KCNQ1: variants seen among roughly 807,000 people sequenced by gnomAD.
The protein encoded by KCNQ1 is potassium voltage-gated channel subfamily KQT member 1.
A neutral mutation model predicts 72.4 loss-of-function variants in KCNQ1; 49 were observed. That is an observed-to-expected ratio of 0.68 (90% confidence interval 0.54 to 0.86). The LOEUF (loss-of-function observed/expected upper bound fraction) is 0.86, where lower values mean the gene tolerates loss of function less well. Among genes scored for constraint, KCNQ1 ranks in the 40% least tolerant of loss-of-function variants. KCNQ1 has a pLI of 0.00. For synonymous variants in KCNQ1, 450 were observed against 412.6 expected, an observed-to-expected ratio of 1.09 and a Z score of -1.10; for missense variants, 790 against 945.1, an observed-to-expected ratio of 0.84 and a Z score of 2.15.
At chr11:2,719,833 G>C (rs1851173153) in intron 11 of KCNQ1, among the ~76,000 whole-genome samples, 1 of 152,226 alleles carries the variant, frequency 6.6e-6, no homozygotes, top group Non-Finnish European at 1.5e-5. Flanking sequence ...AAACAGCCCT[G>C]ATGTAGCTGT....
In KCNQ1 at chr11:2,741,976, C is replaced by T. The variant is rs139753851; in HGVS notation, c.1515-26868C>T. ...ATCCCCCTGCCCCAGGGCGGGCTGC[C>T]GCCTTGTAACCCCCAGAACTCTTGG... On this transcript the variant is annotated intron_variant, in intron 11 of 15. Coordinates refer to ENST00000155840, the MANE Select transcript of KCNQ1 (RefSeq NM_000218.3). 2.0e-4 allele frequency among the ~76,000 whole-genome samples: 31 copies of T among 152,374 alleles called. No individual in the cohort carries two copies. In the East Asian group the frequency reaches 4.1e-3, roughly 20 times the overall value.
At chr11:2,614,198 C>T (rs1849024452) in intron 10 of KCNQ1, 10 of 398,410 alleles carry the variant, frequency 2.5e-5, no homozygotes, top group Non-Finnish European at 4.4e-5. Context: ...GAGGGTGCCA[C>T]CTCAAATCTT....
rs116627482 is a variant in KCNQ1, at chr11:2,464,896, T to G, written c.386+19412T>G. Among the ~76,000 whole-genome samples, 55 of 152,286 alleles carry G rather than the reference T, an allele frequency of 3.6e-4. No individual in the cohort carries two copies. The highest frequency in any genetic ancestry group is 1.3e-3 in the African/African-American group (52 of 41,560). On this transcript the variant is annotated intron_variant, in intron 1 of 15. Transcript: ENST00000155840. The surrounding 1 kb of genome is among the most constrained non-coding windows in gnomAD (Gnocchi z 5.0). Reference sequence around the variant, plus strand: ...GTGTTAAGGTAGTTCAAAGTCCTCCTGCCCGAGGAAGTAAGACAGCAATCT... The same window carrying G: ...GTGTTAAGGTAGTTCAAAGTCCTCCGGCCCGAGGAAGTAAGACAGCAATCT...
At chr11:2,697,665 T>C in intron 11 of KCNQ1, 1 of 398,596 alleles carries the variant, frequency 2.5e-6, no homozygotes, top group East Asian at 3.6e-5. Flanking sequence ...TTAATGTGAA[T>C]TACATGGATA....
chr11:2,797,547 G>A (rs1055531380), intron 15 of KCNQ1, among the ~76,000 whole-genome samples: 4 of 151,864 alleles, frequency 2.6e-5, no homozygotes, highest in African/African-American at 9.7e-5. Context: ...CTGCCCCTGC[G>A]TACCCACCAC....
Position 2,626,441 on chromosome 11 carries a change from AT to A in KCNQ1, c.1394-35515del. 2.5e-6 allele frequency: 1 copy of A among 398,572 alleles called. No individual in the cohort carries two copies. The highest frequency in any genetic ancestry group is 3.6e-5 in the East Asian group (1 of 28,070). The allele number at this position is 398,572 out of a possible 1,614,324, so 24.7% of individuals were successfully genotyped here. A position where few individuals can be genotyped will look rare whatever the true frequency, so the allele number is the denominator to read the frequency against. ...CATTTGATCATGTATACAAGGGTTT[AT>A]TTTTGGGCTCTCTATTCAATTCCAT... On this transcript the variant is annotated intron_variant, in intron 10 of 15. Coordinates refer to ENST00000155840, the MANE Select transcript of KCNQ1 (RefSeq NM_000218.3). The surrounding 1 kb of genome is among the most constrained non-coding windows in gnomAD (Gnocchi z 4.0).
intron 15 of KCNQ1, among the ~76,000 whole-genome samples, chr11:2,794,732 A>T (rs1026616266): frequency 3.9e-5 from 6 of 152,288 alleles, no homozygotes; most frequent in Non-Finnish European, 7.4e-5. Flanking sequence ...GGACCCAGCA[A>T]GAGAGCCTGA....
chr11:2,799,372 T>TCG (rs1284999644), intron 15 of KCNQ1, among the ~76,000 whole-genome samples: 3 of 128,424 alleles, frequency 2.3e-5, no homozygotes, highest in African/African-American at 9.1e-5. Context: ...AGCTGTAAGT[T>TCG]CGAGTGTGTG....
In KCNQ1 at chr11:2,625,398, G is replaced by A. The variant is rs1372157086; in HGVS notation, c.1393+36544G>A. ...AACCTCCCACGTAGCTGATACTAGA[G>A]ATGGGTCTCACTATGTTGCCTAGGC... On this transcript the variant is annotated intron_variant, in intron 10 of 15. Transcript: ENST00000155840. 1.0e-5 allele frequency: 4 copies of A among 398,464 alleles called. No individual in the cohort carries two copies. The East Asian group carries it at 1.4e-4, about 14-fold the overall frequency. The allele number at this position is 398,464 out of a possible 1,614,324, so 24.7% of individuals were successfully genotyped here.
At chr11:2,667,286 G>A in intron 11 of KCNQ1, 1 of 398,638 alleles carries the variant, frequency 2.5e-6, no homozygotes, top group Non-Finnish European at 4.4e-6. Flanking sequence ...GCTGCTATGG[G>A]GAGAGGGCCG....
intron 15 of KCNQ1, among the ~76,000 whole-genome samples, chr11:2,831,222 G>T (rs1847940286): frequency 6.6e-6 from 1 of 152,212 alleles, no homozygotes; most frequent in Non-Finnish European, 1.5e-5. Flanking sequence ...TCGGGTGCAG[G>T]GCAGGATGTC....
At chr11:2,560,158 A>C (rs1466499613) in intron 2 of KCNQ1, among the ~76,000 whole-genome samples, 2 of 67,144 alleles carry the variant, frequency 3.0e-5, no homozygotes, top group Non-Finnish European at 5.9e-5. Context: ...GCCCAGGGGA[A>C]TGAGGGGGGT....
Position 2,679,057 on chromosome 11 carries a change from CA to C in KCNQ1, c.1514+16983del. The C allele has an allele frequency of 2.5e-6, 1 of 398,500 alleles. No homozygotes were observed. Among genetic ancestry groups the C allele is most frequent in the East Asian group, 3.6e-5 (1 of 28,084 alleles). 24.7% of individuals were successfully genotyped at this position (398,500 alleles called of 1,614,324 possible). On this transcript the variant is annotated intron_variant, in intron 11 of 15. Coordinates refer to ENST00000155840, the MANE Select transcript of KCNQ1 (RefSeq NM_000218.3). The surrounding 1 kb of genome is among the most constrained non-coding windows in gnomAD (Gnocchi z 4.8). ...CCAGCCCCTCCTCCATACCAACCAC[CA>C]AAAAAACCCACTAACACCATAAAGT...
intron 15 of KCNQ1, among the ~76,000 whole-genome samples, chr11:2,829,929 C>T (rs1847907320): frequency 8.7e-6 from 1 of 114,452 alleles, no homozygotes; most frequent in South Asian, 3.3e-4. Flanking sequence ...TCTGCCAATA[C>T]CCTGGTGGGG....
At chr11:2,694,845 G>A in intron 11 of KCNQ1, 1 of 398,680 alleles carries the variant, frequency 2.5e-6, no homozygotes, top group Non-Finnish European at 4.4e-6. Flanking sequence ...TGGCAGGTCA[G>A]AGCAAAATTT....
At chr11:2,807,449 C>G (rs911092427) in intron 15 of KCNQ1, among the ~76,000 whole-genome samples, 1 of 152,184 alleles carries the variant, frequency 6.6e-6, no homozygotes, top group Non-Finnish European at 1.5e-5. Context: ...GCCTCCTCGC[C>G]CCCCCACTCC....
At chr11:2,662,965 C>G (rs1849995455) in intron 11 of KCNQ1, 1 of 398,608 alleles carries the variant, frequency 2.5e-6, no homozygotes, top group Non-Finnish European at 4.4e-6. Flanking sequence ...GGCCTCCTGC[C>G]TTTGCAGCCA....
At chr11:2,731,051 C>A (rs1845851228) in intron 11 of KCNQ1, among the ~76,000 whole-genome samples, 1 of 152,246 alleles carries the variant, frequency 6.6e-6, no homozygotes, top group Non-Finnish European at 1.5e-5. Flanking sequence ...CTTCCTTTGG[C>A]CTCACAGCTC....
At chr11:2,774,774 G>T (rs539525656) in intron 12 of KCNQ1, among the ~76,000 whole-genome samples, 1 of 152,146 alleles carries the variant, frequency 6.6e-6, no homozygotes, top group African/African-American at 2.4e-5. Context: ...TCAGATTAAG[G>T]TCACCCTGGT....
Sources: allele counts gnomAD v4.1 joint callset (sites outside exome capture counted in the v4.1 genomes callset), GRCh38; gene constraint gnomAD v4.1.1; non-coding constraint Gnocchi (gnomAD v3.1); transcripts MANE v1.5; gene names NCBI Gene and HGNC (gene_info 2026-07-23, HGNC 2026-07-21).